Variants in PLPP4 observed in about 807,000 individuals in gnomAD.
PLPP4 encodes phospholipid phosphatase 4.
A neutral mutation model predicts 32.2 loss-of-function variants in PLPP4; 20 were observed. The ratio of observed to expected loss-of-function variants is 0.62; its 90% CI spans 0.44 to 0.90. The LOEUF (loss-of-function observed/expected upper bound fraction) is 0.90. PLPP4 is among the 40% of genes least tolerant of loss of function. The probability of loss-of-function intolerance (pLI) is 0.00; values close to 1 mark genes in which losing one functional copy is unlikely to be tolerated. For missense variants in PLPP4, 257 were observed against 353.1 expected (o/e 0.73, Z 2.18); for synonymous variants, 127 against 133.0 (o/e 0.95, Z 0.31).
chr10:120,503,049 C>T (rs1845335954), intron 1 of PLPP4, among the ~76,000 whole-genome samples: 1 of 152,232 alleles, frequency 6.6e-6, no homozygotes, highest in South Asian at 2.1e-4. Context: ...GCCGCAACCC[C>T]AGCACCTCCC....
At chr10:120,517,431 T>C (rs116392287) in intron 3 of PLPP4, among the ~76,000 whole-genome samples, 1 of 152,174 alleles carries the variant, frequency 6.6e-6, no homozygotes, top group African/African-American at 2.4e-5. Flanking sequence ...GAAGCTGGCA[T>C]TTGAGGAAGG....
At chr10:120,458,370 A>G (rs991765766) in intron 1 of PLPP4, among the ~76,000 whole-genome samples, 3 of 152,028 alleles carry the variant, frequency 2.0e-5, no homozygotes, top group African/African-American at 7.3e-5. Context: ...CCATGCATTT[A>G]TTTATTTGTT....
At position 120,591,911 on chromosome 10, in the gene PLPP4, G is replaced by A. The variant is rs563833695; in HGVS notation, c.*2409G>A. Among the ~76,000 whole-genome samples the A allele has an allele frequency of 1.1e-4, 16 of 152,188 alleles. No individual in the cohort carries two copies. Among genetic ancestry groups the A allele is most frequent in the Non-Finnish European group, 2.4e-4 (16 of 68,046 alleles). ...ATTACAGATGATGTAATAACATGAA[G>A]CTGGTGGTAGGATCCTCAGGAGCCA... On this transcript the variant is annotated 3_prime_UTR_variant, in exon 7 of 7. Coordinates refer to ENST00000398250, the MANE Select transcript of PLPP4 (RefSeq NM_001030059.3).
chr10:120,460,265 T>G (rs1009243808), intron 1 of PLPP4, among the ~76,000 whole-genome samples: 1 of 152,210 alleles, frequency 6.6e-6, no homozygotes, highest in Admixed American at 6.5e-5. Context: ...CTCTTACTCA[T>G]GGATTGTGGG....
rs571526180 is a variant in PLPP4 at position 120,462,973 on chromosome 10, A to C, written c.56+5612A>C. Among the ~76,000 whole-genome samples, 3 of 151,062 alleles carry C rather than the reference A, an allele frequency of 2.0e-5. No individual in the cohort carries two copies. The South Asian group carries it at 6.3e-4, about 32-fold the overall frequency. On this transcript the variant is annotated intron_variant, in intron 1 of 6. Coordinates refer to ENST00000398250, the MANE Select transcript of PLPP4 (RefSeq NM_001030059.3). ...ACCATCAGTCCTTTCTATGTAATGA[A>C]TACATTCAGAATCATTCTGCTTGCT...
intron 5 of PLPP4, among the ~76,000 whole-genome samples, chr10:120,552,165 GGTGTGTGTGTGTGTGTGTGTGTGT>G (rs58426120): frequency 7.2e-6 from 1 of 138,546 alleles, no homozygotes; most frequent in East Asian, 2.2e-4. Context: ...GTGGTGGTGG[GGTGTGTGTGTGTGTGTGTGTGTGT>G]GTGTGTGTGT....
In PLPP4 at chr10:120,570,265, C is replaced by G. The variant is rs76017175; in HGVS notation, c.446-4866C>G. Among the ~76,000 whole-genome samples the G allele has an allele frequency of 8.2e-3, 1,248 of 152,040 alleles. 23 individuals carry two copies. Among genetic ancestry groups the G allele is most frequent in the African/African-American group, 0.029 (1,200 of 41,476 alleles). Reference sequence around the variant, plus strand: ...ACCAGGCAGGCTTGTTTCCCACATCCTTTTTTTCAAATGGTCTTCTGGAGA... The same window carrying G: ...ACCAGGCAGGCTTGTTTCCCACATCGTTTTTTTCAAATGGTCTTCTGGAGA... On this transcript the variant is annotated intron_variant, in intron 5 of 6. Coordinates refer to ENST00000398250, the MANE Select transcript of PLPP4 (RefSeq NM_001030059.3).
chr10:120,483,656 G>A (rs1008535815), intron 1 of PLPP4, among the ~76,000 whole-genome samples: 1 of 152,210 alleles, frequency 6.6e-6, no homozygotes, highest in Non-Finnish European at 1.5e-5. Context: ...CCTAATGGAA[G>A]GTGTTTGGGT....
chr10:120,552,165 G>GTGTGTGT (rs1847932096), intron 5 of PLPP4, among the ~76,000 whole-genome samples: 4 of 138,546 alleles, frequency 2.9e-5, no homozygotes, highest in African/African-American at 5.4e-5. Context: ...GTGGTGGTGG[G>GTGTGTGT]GTGTGTGTGT....
intron 1 of PLPP4, among the ~76,000 whole-genome samples, chr10:120,464,236 A>G (rs1848211085): frequency 1.3e-5 from 2 of 152,210 alleles, no homozygotes; most frequent in Admixed American, 6.5e-5. Flanking sequence ...TGTTAAAAAC[A>G]TATTGTATTG....
In PLPP4 at chr10:120,539,055, G is replaced by C. The variant is rs570468909; in HGVS notation, c.445+17960G>C. On this transcript the variant is annotated intron_variant, in intron 5 of 6. Coordinates refer to ENST00000398250, the MANE Select transcript of PLPP4 (RefSeq NM_001030059.3). ...CTTGCCCTTCTCCCGTATTTCCCAC[G>C]TGCTGTCAGAAGCCCATACATACTA... 1.7e-3 allele frequency among the ~76,000 whole-genome samples: 252 copies of C among 152,128 alleles called. 1 individual carries two copies. Among genetic ancestry groups the C allele is most frequent in the African/African-American group, 5.8e-3 (242 of 41,480 alleles).
chr10:120,485,403 C>A (rs1844401522), intron 1 of PLPP4, among the ~76,000 whole-genome samples: 1 of 152,220 alleles, frequency 6.6e-6, no homozygotes, highest in Non-Finnish European at 1.5e-5. Flanking sequence ...CTTTTCCATA[C>A]CCAAACCCTA....
At chr10:120,573,113 C>T (rs568646765) in intron 5 of PLPP4, among the ~76,000 whole-genome samples, 1 of 152,200 alleles carries the variant, frequency 6.6e-6, no homozygotes, top group African/African-American at 2.4e-5. Context: ...TGTTTTCTGA[C>T]TCTAGCCATA....
chr10:120,461,986 A>G (rs1464386075), intron 1 of PLPP4, among the ~76,000 whole-genome samples: 1 of 152,162 alleles, frequency 6.6e-6, no homozygotes, highest in Admixed American at 6.5e-5. Flanking sequence ...AAACAGACTC[A>G]TCTTTACTAC....
chr10:120,574,780 C>T (rs1033344708), intron 5 of PLPP4, among the ~76,000 whole-genome samples: 2 of 152,234 alleles, frequency 1.3e-5, no homozygotes, highest in Non-Finnish European at 2.9e-5. Context: ...TGTCCTTCAA[C>T]TAGACCATGA....
chr10:120,478,355 T>C (rs1209790260), intron 1 of PLPP4, among the ~76,000 whole-genome samples: 2 of 152,200 alleles, frequency 1.3e-5, no homozygotes, highest in South Asian at 2.1e-4. Context: ...AAGGGAGGTG[T>C]TCAGGGTGCC....
chr10:120,480,667 G>A (rs144646074), intron 1 of PLPP4, among the ~76,000 whole-genome samples: 55 of 152,244 alleles, frequency 3.6e-4, no homozygotes, highest in African/African-American at 1.2e-3. Context: ...TAAGGTCCTG[G>A]GTTTCCTAAA....
At chr10:120,490,269 C>T (rs543201177) in intron 1 of PLPP4, among the ~76,000 whole-genome samples, 2 of 152,352 alleles carry the variant, frequency 1.3e-5, no homozygotes, top group East Asian at 3.9e-4. Flanking sequence ...GTTCTATAGG[C>T]CACGTGCTTG....
At position 120,581,062 on chromosome 10, in the gene PLPP4, C is replaced by T. The variant is rs993619160; in HGVS notation, c.616+5761C>T. 2.3e-6 allele frequency: 3 copies of T among 1,283,058 alleles called. No homozygotes were observed. The African/African-American group carries it at 4.6e-5, about 20-fold the overall frequency. 79.5% of individuals were successfully genotyped at this position (1,283,058 alleles called of 1,614,324 possible). A position where few individuals can be genotyped will look rare whatever the true frequency, so the allele number is the denominator to read the frequency against. On this transcript the variant is annotated intron_variant, in intron 6 of 6. Transcript: ENST00000398250. ...GCCTCAGCCCCTGGCTCACCCCTCC[C>T]TCCGGTCAAAGTCCACTGCATATCC...
Sources: gnomAD v4.1 joint callset for allele counts (sites outside exome capture counted in the v4.1 genomes callset) on GRCh38, gnomAD v4.1.1 for gene constraint, MANE v1.5 for transcripts, NCBI Gene and HGNC (gene_info 2026-07-23, HGNC 2026-07-21) for gene names.